The following HS3ST4 variants were observed in gnomAD, a reference collection of about 807,000 sequenced individuals.
HS3ST4 encodes heparan sulfate glucosamine 3-O-sulfotransferase 4.
In HS3ST4, 17 loss-of-function variants were observed where a neutral mutation model predicts 29.2. That is an observed-to-expected ratio of 0.58 (90% confidence interval 0.40 to 0.87). The LOEUF (loss-of-function observed/expected upper bound fraction) is 0.87. Among genes scored for constraint, HS3ST4 ranks in the 40% least tolerant of loss-of-function variants. HS3ST4 has a pLI of 0.00. For missense variants in HS3ST4, 627 were observed against 634.5 expected, an observed-to-expected ratio of 0.99 and a Z score of 0.13; for synonymous variants, 314 against 285.7, an observed-to-expected ratio of 1.10 and a Z score of -1.00.
chr16:25,852,223 C>A (rs9928735), intron 1 of HS3ST4, among the ~76,000 whole-genome samples: 43,819 of 152,100 alleles, frequency 0.29, 6,767 homozygotes, highest in Admixed American at 0.34. Flanking sequence ...GCCTGTCCAT[C>A]TCTTCTTTAA....
intron 1 of HS3ST4, among the ~76,000 whole-genome samples, chr16:26,091,816 A>G (rs749051902): frequency 5.3e-5 from 8 of 152,220 alleles, no homozygotes; most frequent in African/African-American, 1.7e-4. Flanking sequence ...CCAAATATAC[A>G]TGGGATGCAG....
At chr16:25,901,387 C>G (rs992148766) in intron 1 of HS3ST4, among the ~76,000 whole-genome samples, 2 of 152,204 alleles carry the variant, frequency 1.3e-5, no homozygotes, top group Non-Finnish European at 2.9e-5. Context: ...AATGCTCTTT[C>G]AGACTGGGAG....
chr16:25,915,771 A>G (rs149682643), intron 1 of HS3ST4, among the ~76,000 whole-genome samples: 248 of 152,322 alleles, frequency 1.6e-3, no homozygotes, highest in African/African-American at 5.8e-3. Context: ...TGGAGTGTAG[A>G]CAGGGTGGCA....
intron 1 of HS3ST4, among the ~76,000 whole-genome samples, chr16:25,751,052 A>T (rs1047772349): frequency 4.6e-5 from 7 of 152,180 alleles, no homozygotes; most frequent in Non-Finnish European, 1.0e-4. Context: ...AGAAGCTGCC[A>T]CTTGATGTGC....
Position 25,779,574 on chromosome 16 carries a change from C to T in HS3ST4, c.734+86423C>T, listed in dbSNP as rs765205859. The stretch of plus-strand genomic sequence containing the variant: ...GTGTCAGACCCTGAGGAGTCTAAAC[C>T]GTCTAACCTCAAAAGTGTCCCTTGT... On this transcript the variant is annotated intron_variant, in intron 1 of 1. Coordinates refer to ENST00000331351, the MANE Select transcript of HS3ST4 (RefSeq NM_006040.3). 5.3e-5 allele frequency among the ~76,000 whole-genome samples: 8 copies of T among 152,150 alleles called. No homozygotes were observed. In the East Asian group the frequency reaches 7.7e-4, roughly 15 times the overall value.
intron 1 of HS3ST4, among the ~76,000 whole-genome samples, chr16:26,089,342 G>A (rs545186552): frequency 3.3e-4 from 50 of 152,224 alleles, no homozygotes; most frequent in Non-Finnish European, 5.9e-4. Flanking sequence ...GAGCAGAGCA[G>A]GTTATGACCC....
intron 1 of HS3ST4, among the ~76,000 whole-genome samples, chr16:25,890,471 C>T (rs1466735469): frequency 6.6e-6 from 1 of 152,190 alleles, no homozygotes; most frequent in African/African-American, 2.4e-5. Context: ...ACTACATTAG[C>T]TCATGGAGAA....
intron 1 of HS3ST4, among the ~76,000 whole-genome samples, chr16:26,031,350 TCACC>T (rs1249356922): frequency 1.3e-5 from 2 of 152,192 alleles, no homozygotes; most frequent in Admixed American, 1.3e-4. Flanking sequence ...TGGTCCCAGC[TCACC>T]CTCCTGTGGG....
intron 1 of HS3ST4, among the ~76,000 whole-genome samples, chr16:26,002,087 G>A (rs911253184): frequency 6.6e-6 from 1 of 152,142 alleles, no homozygotes; most frequent in Non-Finnish European, 1.5e-5. Flanking sequence ...GGTGAATAGG[G>A]AACTCTGGAG....
intron 1 of HS3ST4, among the ~76,000 whole-genome samples, chr16:25,881,813 G>A (rs4453498): frequency 0.31 from 46,480 of 151,980 alleles, 7,520 homozygotes; most frequent in Non-Finnish European, 0.35. Context: ...TAGCCAGCTC[G>A]GTGACCCACA....
In HS3ST4 at chr16:26,064,116, T is replaced by C. The variant is rs1326253615; in HGVS notation, c.735-71496T>C. Among the ~76,000 whole-genome samples the C allele has an allele frequency of 5.3e-5, 8 of 152,106 alleles. 1 individual carries two copies. The highest frequency in any genetic ancestry group is 1.9e-4 in the African/African-American group (8 of 41,418). The stretch of plus-strand genomic sequence containing the variant: ...TGTCCACGTATGTGCTGTCTGCATG[T>C]TGGGGGCTATGGTGAGCCAGACAGC... On this transcript the variant is annotated intron_variant, in intron 1 of 1. Transcript: ENST00000331351.
chr16:25,755,995 G>A (rs1966755316), intron 1 of HS3ST4, among the ~76,000 whole-genome samples: 1 of 152,078 alleles, frequency 6.6e-6, no homozygotes, highest in Non-Finnish European at 1.5e-5. Context: ...TCTGATTCAA[G>A]AACAGTAAAA....
At chr16:25,718,678 C>A (rs1966473934) in intron 1 of HS3ST4, among the ~76,000 whole-genome samples, 1 of 152,080 alleles carries the variant, frequency 6.6e-6, no homozygotes, top group African/African-American at 2.4e-5. Flanking sequence ...TGATAACGAG[C>A]CTCCAAGAAT....
At chr16:25,993,325 G>A (rs11644086) in intron 1 of HS3ST4, among the ~76,000 whole-genome samples, 1 of 151,980 alleles carries the variant, frequency 6.6e-6, no homozygotes, top group East Asian at 1.9e-4. Flanking sequence ...GGAACTACTA[G>A]TGAAATAATG....
intron 1 of HS3ST4, among the ~76,000 whole-genome samples, chr16:25,760,810 C>A (rs553622346): frequency 1.3e-5 from 2 of 152,250 alleles, no homozygotes; most frequent in African/African-American, 4.8e-5. Context: ...AGGACTTCAA[C>A]ATACAATGTT....
chr16:25,903,877 A>C (rs1448101002), intron 1 of HS3ST4, among the ~76,000 whole-genome samples: 1 of 152,182 alleles, frequency 6.6e-6, no homozygotes, highest in African/African-American at 2.4e-5. Context: ...TTTTAGGAAA[A>C]TTCATTTGAC....
intron 1 of HS3ST4, among the ~76,000 whole-genome samples, chr16:25,777,260 C>T (rs1246809437): frequency 6.6e-6 from 1 of 152,192 alleles, no homozygotes; most frequent in African/African-American, 2.4e-5. Flanking sequence ...TTCTAAACTT[C>T]TGCTTTTCTT....
intron 1 of HS3ST4, among the ~76,000 whole-genome samples, chr16:25,886,050 T>TTTTG: frequency 7.7e-6 from 1 of 129,760 alleles, no homozygotes; most frequent in Non-Finnish European, 1.7e-5. Flanking sequence ...TTTTTTTTTT[T>TTTTG]GAGACAGAGT....
intron 1 of HS3ST4, among the ~76,000 whole-genome samples, chr16:26,044,266 A>G (rs1311506290): frequency 5.9e-5 from 9 of 152,328 alleles, no homozygotes; most frequent in African/African-American, 2.2e-4. Context: ...CAAGAGCTTC[A>G]AGGAGTAGCC....
Sources: gnomAD v4.1 joint callset for allele counts (sites outside exome capture counted in the v4.1 genomes callset) on GRCh38, gnomAD v4.1.1 for gene constraint, MANE v1.5 for transcripts, NCBI Gene and HGNC (gene_info 2026-07-23, HGNC 2026-07-21) for gene names.